Variants in ERBIN observed in about 807,000 individuals in gnomAD.
ERBIN encodes the protein erbb2 interacting protein.
ERBIN carries 60 observed loss-of-function variants against 158.4 expected under a neutral mutation model. That is an observed-to-expected ratio of 0.38 (90% confidence interval 0.31 to 0.47). ERBIN has a LOEUF of 0.47. Among genes scored for constraint, ERBIN ranks in the 20% least tolerant of loss-of-function variants. The probability of loss-of-function intolerance (pLI) is 0.99; values close to 1 mark genes in which losing one functional copy is unlikely to be tolerated. For missense variants in ERBIN, 1,610 were observed against 1,648.0 expected, an observed-to-expected ratio of 0.98 and a Z score of 0.40; for synonymous variants, 594 against 557.2, an observed-to-expected ratio of 1.07 and a Z score of -0.93.
rs199931290 is a variant in ERBIN, at chr5:66,036,144, TCTTAC to T, written c.1207-2233_1207-2229del. ...AAATAATCTGTGGTACTCATTTTTG[TCTTAC>T]CTTACAGTGCTTTCGAACAGTGCTG... On this transcript the variant is annotated intron_variant, in intron 14 of 25. Coordinates refer to ENST00000284037, the MANE Select transcript of ERBIN (RefSeq NM_001253697.2). 6.2e-3 allele frequency among the ~76,000 whole-genome samples: 945 copies of T among 152,262 alleles called. 12 individuals are homozygous for T. Among genetic ancestry groups the T allele is most frequent in the African/African-American group, 0.022 (905 of 41,544 alleles).
At chr5:66,008,192 G>C (rs564328123) in intron 4 of ERBIN, among the ~76,000 whole-genome samples, 1 of 152,138 alleles carries the variant, frequency 6.6e-6, no homozygotes, top group African/African-American at 2.4e-5. Context: ...TGAGGTGGGC[G>C]GATCACGAGG....
At chr5:65,967,988 C>T (rs60541720) in intron 1 of ERBIN, among the ~76,000 whole-genome samples, 1,689 of 152,272 alleles carry the variant, frequency 0.011, 26 homozygotes, top group African/African-American at 0.037. Flanking sequence ...GGGCAAAAGC[C>T]TAAGTGGCAA....
chr5:66,010,299 T>C (rs1469948245), intron 4 of ERBIN, among the ~76,000 whole-genome samples: 1 of 152,196 alleles, frequency 6.6e-6, no homozygotes. Flanking sequence ...GGCAAGTATA[T>C]GTCCAAAGTG....
chr5:66,037,574 A>G (rs1035823752), intron 14 of ERBIN, among the ~76,000 whole-genome samples: 1 of 152,074 alleles, frequency 6.6e-6, no homozygotes, highest in Admixed American at 6.6e-5. Flanking sequence ...GGAATGTTTA[A>G]ATGGGAGTAA....
At chr5:65,968,986 G>C (rs1233792717) in intron 1 of ERBIN, among the ~76,000 whole-genome samples, 1 of 152,184 alleles carries the variant, frequency 6.6e-6, no homozygotes, top group African/African-American at 2.4e-5. Flanking sequence ...TCGTGATTGA[G>C]AGGTCTCTTC....
intron 18 of ERBIN, among the ~76,000 whole-genome samples, chr5:66,047,349 C>G (rs1055273703): frequency 6.6e-6 from 1 of 152,026 alleles, no homozygotes; most frequent in Admixed American, 6.6e-5. Flanking sequence ...TGTGTATATC[C>G]ACCCTTTGTT....
chr5:65,994,625 C>A, intron 3 of ERBIN, 122 bp from the exon 4 acceptor site: 1 of 578,138 alleles, frequency 1.7e-6, no homozygotes, highest in Non-Finnish European at 3.1e-6. Context: ...AATGAGGCAT[C>A]TTTCCTGGTA....
chr5:66,038,585 T>C, intron 15 of ERBIN, 103 bp downstream of exon 15: 2 of 788,678 alleles, frequency 2.5e-6, no homozygotes, highest in Non-Finnish European at 4.0e-6. Context: ...TGATGGGACT[T>C]CAGAGAATTG....
At chr5:65,960,909 A>G (rs1747831464) in intron 1 of ERBIN, among the ~76,000 whole-genome samples, 1 of 152,144 alleles carries the variant, frequency 6.6e-6, no homozygotes, top group Non-Finnish European at 1.5e-5. Context: ...GGTACAGGAT[A>G]TTAACCATCA....
At chr5:66,072,406 C>CT in intron 22 of ERBIN, 115 bp downstream of exon 22, 3 of 1,014,652 alleles carry the variant, frequency 3.0e-6, no homozygotes, top group Non-Finnish European at 4.1e-6. Flanking sequence ...GCTTTCCCCC[C>CT]TTTATTAGTA....
chr5:65,938,667 C>T (rs1744387083), intron 1 of ERBIN, among the ~76,000 whole-genome samples: 1 of 152,138 alleles, frequency 6.6e-6, no homozygotes, highest in Non-Finnish European at 1.5e-5. Flanking sequence ...ATTCTTCTGC[C>T]TCAGCCTTCC....
chr5:66,072,407 T>C, intron 22 of ERBIN, 116 bp downstream of exon 22: 1 of 1,013,332 alleles, frequency 9.9e-7, no homozygotes. Flanking sequence ...CTTTCCCCCC[T>C]TTATTAGTAA....
intron 13 of ERBIN, among the ~76,000 whole-genome samples, chr5:66,027,211 G>A (rs75085796): frequency 4.6e-5 from 7 of 152,068 alleles, no homozygotes; most frequent in East Asian, 3.9e-4. Context: ...GGTGACTCAC[G>A]TAGCTTGTAA....
intron 1 of ERBIN, among the ~76,000 whole-genome samples, chr5:65,972,066 C>A (rs116718781): frequency 0.03 from 4,536 of 152,062 alleles, 86 homozygotes; most frequent in Admixed American, 0.056. Context: ...GTAACCTTTT[C>A]TCAGAGAAAG....
intron 1 of ERBIN, among the ~76,000 whole-genome samples, chr5:65,985,228 G>T (rs992080789): frequency 6.6e-6 from 1 of 152,186 alleles, no homozygotes; most frequent in Non-Finnish European, 1.5e-5. Flanking sequence ...TGAGTACTGG[G>T]ATTACAGGTG....
intron 21 of ERBIN, among the ~76,000 whole-genome samples, chr5:66,061,205 C>T (rs1190304552): frequency 6.6e-6 from 1 of 152,166 alleles, no homozygotes; most frequent in East Asian, 1.9e-4. Context: ...TCCCTAAGGA[C>T]TTGCTTTATG....
At chr5:66,026,546 T>C (rs543716416) in intron 13 of ERBIN, 129 bp downstream of exon 13, 94 of 423,920 alleles carry the variant, frequency 2.2e-4, no homozygotes, top group Middle Eastern at 6.2e-4. Flanking sequence ...GTTCTCAGTG[T>C]TATTGATAGG....
intron 7 of ERBIN, among the ~76,000 whole-genome samples, chr5:66,020,633 GGAGA>G (rs1196307397): frequency 6.7e-6 from 1 of 149,914 alleles, no homozygotes; most frequent in Non-Finnish European, 1.5e-5. Flanking sequence ...CTTTGTAAAA[GGAGA>G]GAGAAAAGAT....
intron 21 of ERBIN, among the ~76,000 whole-genome samples, chr5:66,058,853 C>T (rs913221524): frequency 4.2e-4 from 63 of 151,098 alleles, no homozygotes; most frequent in African/African-American, 1.1e-3. Flanking sequence ...TGTAGATATG[C>T]GGCATTATTT....
Sources: gnomAD v4.1 joint callset for allele counts (sites outside exome capture counted in the v4.1 genomes callset) on GRCh38, gnomAD v4.1.1 for gene constraint, MANE v1.5 for transcripts, NCBI Gene and HGNC (gene_info 2026-07-23, HGNC 2026-07-21) for gene names.